The following KIAA1671 variants were observed in gnomAD, a reference collection of about 807,000 sequenced individuals.
KIAA1671 encodes KIAA1671.
Under a neutral mutation model 131.2 loss-of-function variants are expected in KIAA1671, and 52 were observed. The ratio of observed to expected loss-of-function variants is 0.40; its 90% CI spans 0.32 to 0.50. KIAA1671 has a LOEUF of 0.50. Among genes scored for constraint, KIAA1671 ranks in the 20% least tolerant of loss-of-function variants. KIAA1671 has a pLI of 0.73. For synonymous variants in KIAA1671, 1,003 were observed against 961.6 expected, an observed-to-expected ratio of 1.04 and a Z score of -0.80; for missense variants, 2,360 against 2,364.2, an observed-to-expected ratio of 1.00 and a Z score of 0.04.
intron 1 of KIAA1671, among the ~76,000 whole-genome samples, chr22:24,992,589 C>T (rs1275337673): frequency 5.9e-5 from 9 of 151,806 alleles, no homozygotes; most frequent in East Asian, 1.9e-4. Context: ...CTGAGGTGGG[C>T]GGATCACTTG....
Position 25,131,808 on chromosome 22 carries a change from A to G in KIAA1671, c.4531-39012A>G, listed in dbSNP as rs1238047449. 3.9e-5 allele frequency among the ~76,000 whole-genome samples: 6 copies of G among 152,232 alleles called. 1 individual carries two copies. Among genetic ancestry groups the G allele is most frequent in the Admixed American group, 2.0e-4 (3 of 15,280 alleles). On this transcript the variant is annotated intron_variant, in intron 6 of 12. Transcript: ENST00000358431. Reference sequence around the variant, plus strand: ...TCCCTGTTCAGATCCCAGCTCTGCCATCTGCCGGCTGGGTGGCTGTGGGCA... The same window carrying G: ...TCCCTGTTCAGATCCCAGCTCTGCCGTCTGCCGGCTGGGTGGCTGTGGGCA...
intron 6 of KIAA1671, among the ~76,000 whole-genome samples, chr22:25,139,549 A>T (rs1366777759): frequency 6.6e-6 from 1 of 152,256 alleles, no homozygotes; most frequent in African/African-American, 2.4e-5. Context: ...TCCTCAGCAG[A>T]TGCTTGTTGC....
intron 6 of KIAA1671, among the ~76,000 whole-genome samples, chr22:25,105,820 G>GT (rs1555879101): frequency 1.7e-4 from 1 of 5,860 alleles, no homozygotes; most frequent in East Asian, 0.021. Context: ...GTATGAAGTT[G>GT]GGGGGGGGGG....
At chr22:25,163,796 T>C (rs966262226) in intron 6 of KIAA1671, among the ~76,000 whole-genome samples, 3 of 152,176 alleles carry the variant, frequency 2.0e-5, no homozygotes, top group Non-Finnish European at 2.9e-5. Flanking sequence ...TCCTGCCTTA[T>C]TGAACATTTA....
chr22:24,959,548 C>CA (rs1245569984), intron 1 of KIAA1671, among the ~76,000 whole-genome samples: 4 of 150,076 alleles, frequency 2.7e-5, no homozygotes, highest in Non-Finnish European at 3.0e-5. Context: ...AGGAAGCTAA[C>CA]AAACAATCGA....
intron 6 of KIAA1671, chr22:25,070,288 G>C: frequency 2.4e-6 from 1 of 416,736 alleles, no homozygotes; most frequent in Non-Finnish European, 4.4e-6. Context: ...CAGCGTGACA[G>C]GAGTGAGAAG....
intron 6 of KIAA1671, among the ~76,000 whole-genome samples, chr22:25,146,366 C>T (rs1404820980): frequency 1.3e-5 from 2 of 152,188 alleles, no homozygotes; most frequent in Non-Finnish European, 2.9e-5. Context: ...CTTACCTGCA[C>T]TTCTTTTGTT....
intron 1 of KIAA1671, among the ~76,000 whole-genome samples, chr22:25,008,289 C>G (rs1235710355): frequency 5.3e-5 from 8 of 152,040 alleles, no homozygotes; most frequent in African/African-American, 1.7e-4. Flanking sequence ...AAGAACCCTC[C>G]CAGGCCAGGC....
chr22:25,000,208 T>TAAAATGTAGCTTTCGATG (rs1404478334), intron 1 of KIAA1671, among the ~76,000 whole-genome samples: 2 of 83,930 alleles, frequency 2.4e-5, no homozygotes, highest in African/African-American at 9.4e-5. Flanking sequence ...TTTTTTTTTT[T>TAAAATGTAGCTTTCGATG]TTTGAGACGG....
intron 1 of KIAA1671, among the ~76,000 whole-genome samples, chr22:24,990,485 C>T (rs1000971664): frequency 6.6e-6 from 1 of 152,230 alleles, no homozygotes; most frequent in African/African-American, 2.4e-5. Flanking sequence ...AAACATGTTC[C>T]CTGGCCCCAC....
intron 6 of KIAA1671, among the ~76,000 whole-genome samples, chr22:25,093,069 G>A (rs1180653015): frequency 6.6e-6 from 1 of 152,146 alleles, no homozygotes; most frequent in South Asian, 2.1e-4. Context: ...AAGTCCAGCC[G>A]GCAAGTGACT....
intron 6 of KIAA1671, among the ~76,000 whole-genome samples, chr22:25,070,775 ACATCC>A (rs1438288616): frequency 1.3e-5 from 2 of 152,342 alleles, no homozygotes; most frequent in South Asian, 4.1e-4. Flanking sequence ...TTCTGAAATT[ACATCC>A]CTCTTGCCTC....
At chr22:24,987,450 T>G (rs1306366846) in intron 1 of KIAA1671, among the ~76,000 whole-genome samples, 2 of 151,988 alleles carry the variant, frequency 1.3e-5, no homozygotes, top group Non-Finnish European at 2.9e-5. Context: ...GGATTACAGG[T>G]GTGAGCCACT....
At chr22:24,976,092 T>G (rs780949692) in intron 1 of KIAA1671, among the ~76,000 whole-genome samples, 2 of 152,184 alleles carry the variant, frequency 1.3e-5, no homozygotes, top group Non-Finnish European at 2.9e-5. Flanking sequence ...AGCCTGGTCT[T>G]CCCACTCCCC....
At chr22:24,977,271 A>T (rs369699737) in intron 1 of KIAA1671, among the ~76,000 whole-genome samples, 1 of 152,208 alleles carries the variant, frequency 6.6e-6, no homozygotes, top group African/African-American at 2.4e-5. Flanking sequence ...TGACAGCGCA[A>T]TGGAGGCAGG....
chr22:25,039,949 T>C lies in KIAA1671; in HGVS notation c.2819T>C (p.Met940Thr), dbSNP rs1464373094. 1.0e-5 allele frequency: 16 copies of C among 1,551,290 alleles called. No individual in the cohort carries two copies. The highest frequency in any genetic ancestry group is 1.4e-5 in the African/African-American group (1 of 73,064). Residue 940 changes from methionine (M) to threonine (T), a missense_variant, in exon 5 of 13, where the codon ATG (methionine) becomes ACG (threonine). By Grantham distance (81) the Met-to-Thr change is moderately conservative (BLOSUM62 -1). This residue lies in a region of KIAA1671 where 1,161 missense variants were observed against 1,204.7 expected (regional missense o/e 0.96). Coordinates refer to ENST00000358431, the MANE Select transcript of KIAA1671 (RefSeq NM_001145206.2). ...PAVRMRKAGA[M>T]DQRMDRWRRR... Reference sequence around the variant, plus strand: ...GTCAGAATGCGGAAAGCCGGCGCCATGGACCAGAGAATGGACAGATGGCGG... The same window carrying C: ...GTCAGAATGCGGAAAGCCGGCGCCACGGACCAGAGAATGGACAGATGGCGG...
At chr22:24,957,290 A>C (rs1221404157) in intron 1 of KIAA1671, among the ~76,000 whole-genome samples, 3 of 152,324 alleles carry the variant, frequency 2.0e-5, no homozygotes, top group East Asian at 3.9e-4. Flanking sequence ...AAGCAACAGC[A>C]CTGGCAAAGG....
chr22:25,073,622 A>G (rs1322019284), intron 6 of KIAA1671, among the ~76,000 whole-genome samples: 1 of 152,220 alleles, frequency 6.6e-6, no homozygotes, highest in Non-Finnish European at 1.5e-5. Context: ...GTCTCTAGAC[A>G]TACTCATCCT....
intron 1 of KIAA1671, among the ~76,000 whole-genome samples, chr22:24,984,551 A>T (rs1923414449): frequency 6.6e-6 from 1 of 152,196 alleles, no homozygotes; most frequent in African/African-American, 2.4e-5. Flanking sequence ...TGGGCAAGGG[A>T]TGAGGCAGCT....
Sources: gnomAD v4.1 joint callset for allele counts (sites outside exome capture counted in the v4.1 genomes callset) on GRCh38, gnomAD v4.1.1 for gene constraint, gnomAD v4.1.1 regional missense constraint, MANE v1.5 for transcripts, NCBI Gene and HGNC (gene_info 2026-07-23, HGNC 2026-07-21) for gene names.